The following TRPC5 variants were observed in gnomAD, a reference collection of about 807,000 sequenced individuals.
The protein encoded by TRPC5 is short transient receptor potential channel 5.
Under a neutral mutation model 56.5 loss-of-function variants are expected in TRPC5, and 9 were observed. The observed-to-expected ratio is 0.16, with a 90% CI of 0.10 to 0.28. The LOEUF is 0.28. Ranked by LOEUF, TRPC5 falls within the 10% of genes least tolerant of loss-of-function variation. The probability of loss-of-function intolerance (pLI) is 1.00; values close to 1 mark genes in which losing one functional copy is unlikely to be tolerated. For missense variants in TRPC5, 469 were observed against 748.9 expected (o/e 0.63, Z 4.36); for synonymous variants, 282 against 278.5 (o/e 1.01, Z -0.13).
chrX:111,984,745 G>T (rs1928169297), intron 1 of TRPC5, among the ~76,000 whole-genome samples: 1 of 112,432 alleles, frequency 8.9e-6, no homozygotes, highest in Admixed American at 9.4e-5. Flanking sequence ...ACTATATTAT[G>T]ACATAGGGGT....
chrX:111,776,882 C>G lies in TRPC5; in HGVS notation c.2353G>C (p.Asp785His), dbSNP rs1945883132. 8.3e-7 allele frequency: 1 copy of G among 1,209,846 alleles called. No individual in the cohort carries two copies. Residue 785 changes from aspartate (D) to histidine (H), a missense_variant, in exon 11 of 11, where the codon GAT becomes CAT. Physicochemically the swap from Asp to His is moderately conservative, Grantham distance 81. Transcript: ENST00000262839. Reference sequence around the variant, plus strand: ...TTGGCCCGAGCCCCACCACTGCCATCATTATTATCGTCTCTCTGAGACAGT... The same window carrying G: ...TTGGCCCGAGCCCCACCACTGCCATGATTATTATCGTCTCTCTGAGACAGT... ...TELSQRDDNN[D>H]GSGGARAKSK...
At chrX:111,841,950 AT>A (rs1467120017) in intron 6 of TRPC5, among the ~76,000 whole-genome samples, 1 of 107,213 alleles carries the variant, frequency 9.3e-6, no homozygotes, top group Non-Finnish European at 1.9e-5. Flanking sequence ...ACCTTAGGTG[AT>A]CCACCTGCCT....
chrX:111,902,090 G>C, intron 3 of TRPC5: 1 of 1,154,366 alleles, frequency 8.7e-7, no homozygotes, highest in Non-Finnish European at 1.1e-6. Context: ...AGAGGATGAA[G>C]ACCTAATATT....
chrX:112,018,730 T>G (rs1929192326), intron 1 of TRPC5, among the ~76,000 whole-genome samples: 1 of 112,449 alleles, frequency 8.9e-6, no homozygotes, highest in African/African-American at 3.2e-5. Context: ...GTGAGAAGTC[T>G]GGGTACAGCA....
chrX:111,920,794 C>A (rs1421297357), intron 2 of TRPC5, among the ~76,000 whole-genome samples: 2 of 111,665 alleles, frequency 1.8e-5, no homozygotes, highest in East Asian at 5.7e-4. Context: ...GCCTCACAAT[C>A]CACTGTACAG....
At chrX:111,864,868 T>A in intron 3 of TRPC5, among the ~76,000 whole-genome samples, 1 of 110,322 alleles carries the variant, frequency 9.1e-6, no homozygotes, top group East Asian at 2.8e-4. Flanking sequence ...GTGCTTTCCC[T>A]TGTAACTTTT....
chrX:112,025,076 T>G (rs1180185623), intron 1 of TRPC5, among the ~76,000 whole-genome samples: 1 of 112,149 alleles, frequency 8.9e-6, no homozygotes, highest in African/African-American at 3.2e-5. Context: ...CCCCTTGCTT[T>G]CTTTGGTGTC....
chrX:111,954,722 T>C (rs1927185595), intron 1 of TRPC5, among the ~76,000 whole-genome samples: 2 of 111,208 alleles, frequency 1.8e-5, no homozygotes. Flanking sequence ...GTGGTGTTAC[T>C]GGTATAGGAA....
intron 1 of TRPC5, among the ~76,000 whole-genome samples, chrX:112,044,146 T>C (rs1426873977): frequency 8.9e-6 from 1 of 111,885 alleles, no homozygotes; most frequent in Non-Finnish European, 1.9e-5. Flanking sequence ...TAAGTATATT[T>C]AAGTTTAAAT....
At chrX:111,941,351 T>C (rs1926772713) in intron 2 of TRPC5, among the ~76,000 whole-genome samples, 1 of 111,843 alleles carries the variant, frequency 8.9e-6, no homozygotes, top group African/African-American at 3.3e-5. Flanking sequence ...GTTGATTTGG[T>C]CGGGTGCTTT....
At chrX:111,819,927 C>T (rs1185489583) in intron 7 of TRPC5, among the ~76,000 whole-genome samples, 2 of 112,027 alleles carry the variant, frequency 1.8e-5, no homozygotes, top group African/African-American at 6.5e-5. Context: ...CTCGGGAAGC[C>T]TGTTTCCTCA....
At chrX:111,905,352 T>TAACCAACC (rs745965670) in intron 3 of TRPC5, among the ~76,000 whole-genome samples, 22 of 110,697 alleles carry the variant, frequency 2.0e-4, no homozygotes, top group African/African-American at 5.6e-4. Context: ...ACAAACCAAC[T>TAACCAACC]AACCAACCAA....
chrX:111,831,856 T>G (rs1251336676), intron 7 of TRPC5, among the ~76,000 whole-genome samples: 1 of 111,206 alleles, frequency 9.0e-6, no homozygotes, highest in Non-Finnish European at 1.9e-5. Context: ...GGTAATGAAC[T>G]TTGTGGGATT....
chrX:111,858,931 G>T (rs1346517742), intron 3 of TRPC5, among the ~76,000 whole-genome samples: 1 of 111,600 alleles, frequency 9.0e-6, no homozygotes, highest in Non-Finnish European at 1.9e-5. Flanking sequence ...TGAGATGATG[G>T]TGGTCCTGCT....
intron 1 of TRPC5, among the ~76,000 whole-genome samples, chrX:111,965,236 C>T (rs1165590248): frequency 8.9e-6 from 1 of 111,903 alleles, no homozygotes; most frequent in Admixed American, 9.5e-5. Flanking sequence ...AAGGCCATTA[C>T]ATAATGGTAA....
intron 1 of TRPC5, among the ~76,000 whole-genome samples, chrX:112,019,714 C>T (rs1430582320): frequency 2.7e-5 from 3 of 111,960 alleles, no homozygotes; most frequent in African/African-American, 9.7e-5. Flanking sequence ...GGATTACAGG[C>T]GTGAGCCACC....
chrX:112,067,240 A>G (rs1000388621), intron 1 of TRPC5, among the ~76,000 whole-genome samples: 8 of 112,485 alleles, frequency 7.1e-5, no homozygotes, highest in African/African-American at 2.6e-4. Context: ...AGGGTCCCCA[A>G]TAGCCTCTAG....
At chrX:111,968,293 T>G (rs1220037023) in intron 1 of TRPC5, among the ~76,000 whole-genome samples, 2 of 111,275 alleles carry the variant, frequency 1.8e-5, no homozygotes, top group African/African-American at 6.5e-5. Flanking sequence ...TCACACCAGT[T>G]AGAATGGCAA....
chrX:111,981,998 AG>A (rs1376906482), intron 1 of TRPC5, among the ~76,000 whole-genome samples: 1 of 111,037 alleles, frequency 9.0e-6, no homozygotes, highest in Non-Finnish European at 1.9e-5. Context: ...AGTTATCACA[AG>A]ATCTGATGGT....
Sources: allele counts gnomAD v4.1 joint callset (sites outside exome capture counted in the v4.1 genomes callset), GRCh38; gene constraint gnomAD v4.1.1; transcripts MANE v1.5; gene names NCBI Gene and HGNC (gene_info 2026-07-23, HGNC 2026-07-21).